Variants in ESRRG observed in about 807,000 individuals in gnomAD.
ESRRG encodes estrogen related receptor gamma.
In ESRRG, 13 loss-of-function variants were observed where a neutral mutation model predicts 44.0. The observed-to-expected ratio is 0.30, with a 90% CI of 0.19 to 0.47. ESRRG has a LOEUF of 0.47. ESRRG is among the 20% of genes least tolerant of loss of function. ESRRG has a pLI of 1.00. For synonymous variants in ESRRG, 215 were observed against 214.6 expected (o/e 1.00, Z -0.02); for missense variants, 395 against 580.6 (o/e 0.68, Z 3.29).
At chr1:217,002,300 TAA>T (rs532552405) in intron 1 of ESRRG, among the ~76,000 whole-genome samples, 29 of 97,730 alleles carry the variant, frequency 3.0e-4, no homozygotes, top group Admixed American at 4.8e-4. Flanking sequence ...AGATTCTGTC[TAA>T]AAAAAAAAAA....
rs144478149 is a variant in ESRRG at position 216,988,605 on chromosome 1, C to G, written c.-105-48932G>C. Reference sequence around the variant, plus strand: ...GATTTACTGGGTTCTGATATGGTGGCTTGAATATTCAATCCATACTTAGTT... The same window carrying G: ...GATTTACTGGGTTCTGATATGGTGGGTTGAATATTCAATCCATACTTAGTT... On this transcript the variant is annotated intron_variant, in intron 1 of 7. Transcript: ENST00000359162. 5.3e-3 allele frequency among the ~76,000 whole-genome samples: 814 copies of G among 152,282 alleles called. 4 individuals carry two copies. Among genetic ancestry groups the G allele is most frequent in the Middle Eastern group, 0.01 (3 of 294 alleles).
chr1:216,798,129 C>T (rs1025456085), intron 2 of ESRRG, among the ~76,000 whole-genome samples: 2 of 152,034 alleles, frequency 1.3e-5, no homozygotes, highest in Admixed American at 6.6e-5. Flanking sequence ...TCCATCTTTC[C>T]TTCTTTCTTT....
chr1:216,816,380 C>T lies in ESRRG; in HGVS notation c.-14+123202G>A, dbSNP rs146535028. ...ACCATCCCACAATGTACACATATTT[C>T]AAAACATGTTGTGCCCAATAAATAT... On this transcript the variant is annotated intron_variant, in intron 2 of 7. Coordinates refer to the ESRRG transcript ENST00000359162. Among the ~76,000 whole-genome samples the T allele has an allele frequency of 6.3e-3, 959 of 152,198 alleles. 6 individuals carry two copies. The highest frequency in any genetic ancestry group is 0.016 in the African/African-American group (676 of 41,532).
upstream of ESRRG, among the ~76,000 whole-genome samples, chr1:217,093,499 C>T (rs1195218945): frequency 6.6e-6 from 1 of 151,956 alleles, no homozygotes; most frequent in Non-Finnish European, 1.5e-5. Context: ...TATGTTCAAA[C>T]CTACGGTTTC....
intron 5 of ESRRG, among the ~76,000 whole-genome samples, chr1:216,540,507 C>G (rs561457405): frequency 1.3e-5 from 2 of 152,080 alleles, no homozygotes; most frequent in East Asian, 3.9e-4. Context: ...AGAGCAACTT[C>G]TCTATATCAG....
chr1:216,736,341 G>A (rs984749069), intron 2 of ESRRG, among the ~76,000 whole-genome samples: 1 of 151,500 alleles, frequency 6.6e-6, no homozygotes, highest in East Asian at 2.0e-4. Context: ...CCGCCACCAC[G>A]CCCGGCTAAT....
At chr1:216,991,963 G>A (rs921888337) in intron 1 of ESRRG, among the ~76,000 whole-genome samples, 10 of 152,154 alleles carry the variant, frequency 6.6e-5, no homozygotes, top group Non-Finnish European at 1.5e-4. Flanking sequence ...ATACTCCTGG[G>A]CTGTGATTTT....
At chr1:216,878,046 C>T (rs1451752306) in intron 2 of ESRRG, among the ~76,000 whole-genome samples, 1 of 152,212 alleles carries the variant, frequency 6.6e-6, no homozygotes, top group African/African-American at 2.4e-5. Flanking sequence ...ATACTGGCTA[C>T]AGCAGTCTAC....
intron 2 of ESRRG, among the ~76,000 whole-genome samples, chr1:216,659,020 C>T (rs536858078): frequency 6.6e-6 from 1 of 152,158 alleles, no homozygotes; most frequent in African/African-American, 2.4e-5. Context: ...GCCTTTGTTA[C>T]CCTCAGTCTG....
chr1:216,649,869 G>A (rs1378662176), intron 3 of ESRRG, among the ~76,000 whole-genome samples: 6 of 152,030 alleles, frequency 3.9e-5, no homozygotes, highest in Non-Finnish European at 8.8e-5. Context: ...ATGACACCAC[G>A]TGATGGCACA....
At chr1:216,558,984 C>G (rs1476261018) in intron 5 of ESRRG, among the ~76,000 whole-genome samples, 1 of 152,018 alleles carries the variant, frequency 6.6e-6, no homozygotes, top group Non-Finnish European at 1.5e-5. Flanking sequence ...ATTCTCCTGC[C>G]TCAGCCTCCT....
chr1:216,859,636 T>C (rs1367160453), intron 2 of ESRRG, among the ~76,000 whole-genome samples: 1 of 152,102 alleles, frequency 6.6e-6, no homozygotes, highest in African/African-American at 2.4e-5. Flanking sequence ...AACCTCATGA[T>C]TCATGGGACA....
upstream of ESRRG, among the ~76,000 whole-genome samples, chr1:216,727,029 A>C (rs2087669453): frequency 6.6e-6 from 1 of 152,196 alleles, no homozygotes; most frequent in South Asian, 2.1e-4. Flanking sequence ...CTGTTATTGC[A>C]TATTAATAGC....
intron 5 of ESRRG, among the ~76,000 whole-genome samples, chr1:216,550,407 T>C (rs953949244): frequency 3.3e-5 from 5 of 152,108 alleles, no homozygotes; most frequent in African/African-American, 1.2e-4. Context: ...TTGATTTGAT[T>C]TGCAAATGTA....
upstream of ESRRG, among the ~76,000 whole-genome samples, chr1:217,094,082 G>A (rs1053524643): frequency 1.8e-4 from 27 of 151,688 alleles, 1 homozygote; most frequent in South Asian, 1.3e-3. Flanking sequence ...ATGAGGCCTC[G>A]CTATGTTGTC....
At chr1:216,514,880 C>A (rs989853432) in intron 6 of ESRRG, among the ~76,000 whole-genome samples, 5 of 151,856 alleles carry the variant, frequency 3.3e-5, no homozygotes, top group African/African-American at 1.2e-4. Flanking sequence ...TGACCAGCAG[C>A]TAAAACTATC....
At chr1:217,057,702 G>A (rs1654218328) in intron 1 of ESRRG, among the ~76,000 whole-genome samples, 1 of 152,162 alleles carries the variant, frequency 6.6e-6, no homozygotes, top group Admixed American at 6.6e-5. Context: ...GCAATAAAGA[G>A]ATAAAAAGGA....
intron 2 of ESRRG, among the ~76,000 whole-genome samples, chr1:216,663,876 G>A (rs1187063144): frequency 6.6e-6 from 1 of 152,080 alleles, no homozygotes; most frequent in Non-Finnish European, 1.5e-5. Context: ...AAAATTGGGT[G>A]GAGAAAGGAA....
intron 1 of ESRRG, among the ~76,000 whole-genome samples, chr1:216,953,012 T>C (rs11117737): frequency 0.34 from 52,212 of 151,938 alleles, 10,652 homozygotes; most frequent in Non-Finnish European, 0.46. Context: ...TATGTGGGAG[T>C]ATGCACACCA....
Sources: gnomAD v4.1 joint callset for allele counts (sites outside exome capture counted in the v4.1 genomes callset) on GRCh38, gnomAD v4.1.1 for gene constraint, MANE v1.5 for transcripts, NCBI Gene and HGNC (gene_info 2026-07-23, HGNC 2026-07-21) for gene names.